Variants in TBCCD1 observed in about 807,000 individuals in gnomAD.
TBCCD1 encodes the protein TBCC domain containing 1.
Under a neutral mutation model 53.4 loss-of-function variants are expected in TBCCD1, and 26 were observed. The ratio of observed to expected loss-of-function variants is 0.49; its 90% CI spans 0.36 to 0.68. TBCCD1 has a LOEUF of 0.68. TBCCD1 is among the 30% of genes least tolerant of loss of function. TBCCD1 has a pLI of 0.00. For synonymous variants in TBCCD1, 245 were observed against 241.7 expected, an observed-to-expected ratio of 1.01 and a Z score of -0.13; for missense variants, 558 against 669.5, an observed-to-expected ratio of 0.83 and a Z score of 1.84.
At chr3:186,558,643 A>T (rs1387962577) in intron 2 of TBCCD1, 71 bp from the exon 3 acceptor site, 4 of 1,511,662 alleles carry the variant, frequency 2.6e-6, no homozygotes, top group Non-Finnish European at 3.6e-6. Context: ...AACTAAGTAG[A>T]CATAGTAAAT....
chr3:186,556,904 C>T, intron 3 of TBCCD1, 129 bp from the exon 4 acceptor site: 1 of 1,183,158 alleles, frequency 8.5e-7, no homozygotes, highest in South Asian at 1.7e-5. Flanking sequence ...TTATATAAAC[C>T]TTATAAAGGT....
chr3:186,570,008 C>G, upstream of TBCCD1: 1 of 589,588 alleles, frequency 1.7e-6, no homozygotes, highest in Non-Finnish European at 3.1e-6. Flanking sequence ...ATTTTTTTCC[C>G]TGTTAAAATT....
At chr3:186,569,872 C>A (rs898333388), upstream of TBCCD1, among the ~76,000 whole-genome samples, 1 of 152,094 alleles carries the variant, frequency 6.6e-6, no homozygotes, top group African/African-American at 2.4e-5. Context: ...TTGTCCTGAT[C>A]AACTAGGTGT....
chr3:186,565,806 A>C (rs1714812141), intron 1 of TBCCD1, among the ~76,000 whole-genome samples: 1 of 152,248 alleles, frequency 6.6e-6, no homozygotes, highest in Non-Finnish European at 1.5e-5. Flanking sequence ...TTGTGAAATT[A>C]AGTAATTGAC....
chr3:186,556,170 G>C (rs999538250), intron 4 of TBCCD1, among the ~76,000 whole-genome samples: 6 of 151,898 alleles, frequency 4.0e-5, no homozygotes, highest in African/African-American at 1.5e-4. Flanking sequence ...TGGTTATTTA[G>C]AAAAATAACA....
upstream of TBCCD1, chr3:186,570,504 A>C (rs1318316569): frequency 2.0e-6 from 1 of 493,432 alleles, no homozygotes; most frequent in East Asian, 3.4e-5. Flanking sequence ...GCGGTAGCTC[A>C]GGCAGAGCGG....
At chr3:186,564,510 C>A in intron 1 of TBCCD1, 138 bp from the exon 2 acceptor site, 2 of 561,728 alleles carry the variant, frequency 3.6e-6, no homozygotes, top group South Asian at 2.9e-5. Context: ...AGTTCACCAA[C>A]CAAGAGCAGA....
chr3:186,554,779 T>C, intron 5 of TBCCD1, 28 bp from the exon 6 acceptor site: 1 of 1,598,742 alleles, frequency 6.3e-7, no homozygotes, highest in Non-Finnish European at 8.5e-7. Flanking sequence ...TGAGGTAAAG[T>C]CCTCTGAATA....
chr3:186,557,123 C>T (rs922386554), intron 3 of TBCCD1, among the ~76,000 whole-genome samples: 3 of 152,184 alleles, frequency 2.0e-5, no homozygotes, highest in Non-Finnish European at 4.4e-5. Flanking sequence ...ATGGGCTACT[C>T]AAGTGTCCAC....
At chr3:186,558,317 T>A (rs183044595) in intron 3 of TBCCD1, 100 bp downstream of exon 3, 768 of 1,401,008 alleles carry the variant, frequency 5.5e-4, no homozygotes, top group Non-Finnish European at 6.7e-4. Context: ...ATCAAATCAC[T>A]GGCTTATGTA....
intron 1 of TBCCD1, 120 bp from the exon 2 acceptor site, chr3:186,564,492 G>A (rs1307791978): frequency 2.4e-5 from 15 of 625,506 alleles, no homozygotes; most frequent in Non-Finnish European, 3.9e-5. Context: ...ATCTTAAAAG[G>A]CAGCTCTAGT....
chr3:186,570,111 A>T, upstream of TBCCD1: 2 of 701,422 alleles, frequency 2.9e-6, 1 homozygote, highest in South Asian at 3.0e-5. Flanking sequence ...TCTCACCACT[A>T]AGAAGCGGTG....
Position 186,558,496 on chromosome 3 carries a change from A to C in TBCCD1, c.413T>G (p.Leu138Trp). Residue 138 changes from leucine (L) to tryptophan (W), a missense_variant, in exon 3 of 8, where the codon TTG becomes TGG. Coordinates refer to ENST00000338733, the MANE Select transcript of TBCCD1 (RefSeq NM_018138.5). ...QLNKVSLRTSLIGEEWPSPRN... is the reference protein window; with the variant it reads ...QLNKVSLRTSWIGEEWPSPRN... ...GGGACTGGGCCACTCTTCGCCAATC[A>C]AAGATGTCCTTAGGGAGACCTTGTT... The C allele has an allele frequency of 6.2e-7, 1 of 1,614,218 alleles. No individual in the cohort carries two copies. The highest frequency in any genetic ancestry group is 1.6e-4 in the Middle Eastern group (1 of 6,062).
At chr3:186,549,765 C>T (rs775916285) in intron 7 of TBCCD1, among the ~76,000 whole-genome samples, 4 of 152,154 alleles carry the variant, frequency 2.6e-5, no homozygotes, top group East Asian at 1.9e-4. Flanking sequence ...TAGTGGTAAA[C>T]GAAATGTTTT....
At chr3:186,549,079 G>A (rs1334014010) in intron 7 of TBCCD1, among the ~76,000 whole-genome samples, 1 of 151,840 alleles carries the variant, frequency 6.6e-6, no homozygotes, top group African/African-American at 2.4e-5. Flanking sequence ...CTGAGGTCAG[G>A]AGTTCAAGAC....
intron 2 of TBCCD1, among the ~76,000 whole-genome samples, chr3:186,561,159 A>AT (rs1232015522): frequency 2.0e-5 from 3 of 152,254 alleles, no homozygotes; most frequent in Non-Finnish European, 4.4e-5. Flanking sequence ...CTAAGGAAAC[A>AT]ATCAACAGAA....
chr3:186,551,136 T>A lies in TBCCD1; in HGVS notation c.*14A>T. The A allele has an allele frequency of 6.2e-7, 1 of 1,606,792 alleles. No homozygotes were observed. The highest frequency in any genetic ancestry group is 1.1e-5 in the South Asian group (1 of 89,590). ...AGTGGTATAAATGCCTACCAGTGTC[T>A]GCATGTAAGATCCTTATCCAGCTGC... On this transcript the variant is annotated 3_prime_UTR_variant, in exon 7 of 8. Transcript: ENST00000338733.
At chr3:186,565,053 A>G (rs1714787676) in intron 1 of TBCCD1, among the ~76,000 whole-genome samples, 1 of 151,984 alleles carries the variant, frequency 6.6e-6, no homozygotes, top group Non-Finnish European at 1.5e-5. Context: ...ACCATCCACA[A>G]TCCCACAAGT....
intron 6 of TBCCD1, 145 bp downstream of exon 6, chr3:186,554,109 A>G: frequency 6.1e-6 from 7 of 1,146,622 alleles, no homozygotes; most frequent in Non-Finnish European, 8.5e-6. Flanking sequence ...CGGCCTCCCA[A>G]AGTGCTGGGA....
Sources: gnomAD v4.1 joint callset for allele counts (sites outside exome capture counted in the v4.1 genomes callset) on GRCh38, gnomAD v4.1.1 for gene constraint, MANE v1.5 for transcripts, NCBI Gene and HGNC (gene_info 2026-07-23, HGNC 2026-07-21) for gene names.